The following DYNC2I1 variants were observed in gnomAD, a reference collection of about 807,000 sequenced individuals.
DYNC2I1 encodes dynein 2 intermediate chain 1, also known as cytoplasmic dynein 2 intermediate chain 1.
In DYNC2I1, 89 loss-of-function variants were observed where a neutral mutation model predicts 133.4. That is an observed-to-expected ratio of 0.67 (90% CI 0.56 to 0.80). The LOEUF (loss-of-function observed/expected upper bound fraction) is 0.80. Among genes scored for constraint, DYNC2I1 ranks in the 30% least tolerant of loss-of-function variants. The pLI, the probability that DYNC2I1 is intolerant of heterozygous loss-of-function variation, is 0.00. For missense variants in DYNC2I1, 1,291 were observed against 1,314.5 expected, an observed-to-expected ratio of 0.98 and a Z score of 0.28; for synonymous variants, 504 against 484.3, an observed-to-expected ratio of 1.04 and a Z score of -0.54.
At chr7:158,877,111 G>A (rs1446916530) in intron 4 of DYNC2I1, among the ~76,000 whole-genome samples, 2 of 152,222 alleles carry the variant, frequency 1.3e-5, no homozygotes, top group East Asian at 1.9e-4. Context: ...GTCTCTCCCC[G>A]TGTTTCAGTG....
intron 1 of DYNC2I1, among the ~76,000 whole-genome samples, chr7:158,867,720 G>C (rs1030011810): frequency 5.9e-5 from 9 of 152,240 alleles, no homozygotes; most frequent in African/African-American, 2.2e-4. Flanking sequence ...CCCTTCTGAC[G>C]TGTGGGCTGG....
chr7:158,865,505 C>A (rs1842327479), intron 1 of DYNC2I1, among the ~76,000 whole-genome samples: 1 of 152,190 alleles, frequency 6.6e-6, no homozygotes, highest in Non-Finnish European at 1.5e-5. Flanking sequence ...CTCCTGTTTG[C>A]TTGCCATGTG....
In DYNC2I1 at chr7:158,862,949, G is replaced by GGAGAC. The variant is rs201730111; in HGVS notation, c.15+6200_15+6201insAGACG. On this transcript the variant is annotated intron_variant, in intron 1 of 24. Coordinates refer to ENST00000407559, the MANE Select transcript of DYNC2I1 (RefSeq NM_018051.5). Reference sequence around the variant, plus strand: ...TGTTTGTTCCTCCCGGTGGGTTCATGGTCTCGCTGACTTCAGGAGTGAAGC... The same window carrying GGAGAC: ...TGTTTGTTCCTCCCGGTGGGTTCATGGAGACGTCTCGCTGACTTCAGGAGTGAAGC... Among the ~76,000 whole-genome samples, 1,127 of 152,100 alleles carry GGAGAC rather than the reference G, an allele frequency of 7.4e-3. 18 individuals carry two copies. Among genetic ancestry groups the GGAGAC allele is most frequent in the African/African-American group, 0.025 (1,056 of 41,488 alleles).
chr7:158,856,836 C>T (rs1841289122), intron 1 of DYNC2I1, 86 bp downstream of exon 1: 19 of 1,212,692 alleles, frequency 1.6e-5, no homozygotes, highest in Admixed American at 8.5e-5. Context: ...CGCCGCCCTC[C>T]CTTTGCGCAG....
chr7:158,910,386 C>T (rs1014738176), intron 11 of DYNC2I1, among the ~76,000 whole-genome samples: 4 of 142,108 alleles, frequency 2.8e-5, no homozygotes, highest in South Asian at 2.3e-4. Context: ...GATTGGAGGG[C>T]GATCAGCTGT....
chr7:158,925,905 G>T (rs1387494464), intron 17 of DYNC2I1, among the ~76,000 whole-genome samples: 1 of 152,190 alleles, frequency 6.6e-6, no homozygotes, highest in Non-Finnish European at 1.5e-5. Flanking sequence ...TGTGTGGCAT[G>T]CTCTGTTTGG....
chr7:158,873,796 G>T (rs1435272085), intron 3 of DYNC2I1, among the ~76,000 whole-genome samples: 1 of 152,048 alleles, frequency 6.6e-6, no homozygotes, highest in Non-Finnish European at 1.5e-5. Context: ...TCACTCTGTT[G>T]CCCAGGCTGG....
chr7:158,852,951 T>A (rs1286446088), upstream of DYNC2I1, among the ~76,000 whole-genome samples: 5 of 152,230 alleles, frequency 3.3e-5, no homozygotes, highest in Non-Finnish European at 7.3e-5. Context: ...CCCTTGGCTT[T>A]TTGTTTGTTG....
intron 1 of DYNC2I1, among the ~76,000 whole-genome samples, chr7:158,867,424 A>G (rs1012284409): frequency 3.9e-5 from 6 of 152,204 alleles, no homozygotes; most frequent in Middle Eastern, 3.2e-3. Flanking sequence ...GCGGCACAGA[A>G]GAAGGAGCTG....
chr7:158,931,446 A>T lies in DYNC2I1; in HGVS notation c.2546+931A>T, dbSNP rs1405897312. 3.3e-5 allele frequency among the ~76,000 whole-genome samples: 5 copies of T among 152,320 alleles called. No homozygotes were observed. In the East Asian group the frequency reaches 9.6e-4, roughly 29 times the overall value. On this transcript the variant is annotated intron_variant, in intron 21 of 24. Coordinates refer to ENST00000407559, the MANE Select transcript of DYNC2I1 (RefSeq NM_018051.5). ...TATGAAAGAGAATCAATTATATTTT[A>T]AAAAGTCATTTACTGTATTGCAGAG...
intron 16 of DYNC2I1, among the ~76,000 whole-genome samples, chr7:158,923,021 C>T (rs1849250921): frequency 6.6e-6 from 1 of 152,206 alleles, no homozygotes. Flanking sequence ...CACAGCCCTT[C>T]TGGAGGCCTC....
the DYNC2I1 span, among the ~76,000 whole-genome samples, chr7:158,848,046 A>G: frequency 6.6e-6 from 1 of 152,382 alleles, no homozygotes; most frequent in South Asian, 2.1e-4. Flanking sequence ...CAAATGCTAC[A>G]GAATGAAAGA....
chr7:158,856,734 C>T lies in DYNC2I1; in HGVS notation c.-2C>T. ...CGCGGCCGCCCGGGCCTGCGGGAAG[C>T]GATGGAGCCCGGGAAGGTCGGTGCG... On this transcript the variant is annotated 5_prime_UTR_variant, in exon 1 of 25. Transcript: ENST00000407559. The T allele has an allele frequency of 8.1e-7, 1 of 1,234,594 alleles. No individual in the cohort carries two copies. Among genetic ancestry groups the T allele is most frequent in the East Asian group, 3.2e-5 (1 of 31,634 alleles). 76.5% of individuals were successfully genotyped at this position (1,234,594 alleles called of 1,614,324 possible).
At chr7:158,911,851 A>G (rs1350696245) in intron 12 of DYNC2I1, among the ~76,000 whole-genome samples, 172 bp downstream of exon 12, 1 of 152,206 alleles carries the variant, frequency 6.6e-6, no homozygotes, top group Non-Finnish European at 1.5e-5. Context: ...TTCACCCGAG[A>G]GGCCGGGCAC....
In DYNC2I1 at chr7:158,909,792, C is replaced by T. The variant is rs755501394; in HGVS notation, c.1461-1758C>T. The stretch of plus-strand genomic sequence containing the variant: ...GAGTGAAACAGAAAGATCTGATGGC[C>T]TAGGGCATTTGACGTTCGCACAGGG... On this transcript the variant is annotated intron_variant, in intron 11 of 24. Transcript: ENST00000407559. 2.6e-5 allele frequency among the ~76,000 whole-genome samples: 4 copies of T among 152,254 alleles called. No individual in the cohort carries two copies. The South Asian group carries it at 6.2e-4, about 24-fold the overall frequency.
intron 11 of DYNC2I1, among the ~76,000 whole-genome samples, chr7:158,911,144 G>A (rs549344777): frequency 6.6e-6 from 1 of 152,210 alleles, no homozygotes; most frequent in Admixed American, 6.5e-5. Context: ...ACACTTACTG[G>A]CTGCGTGGTC....
chr7:158,908,494 T>A (rs1202897195), intron 11 of DYNC2I1, among the ~76,000 whole-genome samples: 1 of 152,236 alleles, frequency 6.6e-6, no homozygotes, highest in African/African-American at 2.4e-5. Flanking sequence ...GATAGAGACT[T>A]ATTATCCCTA....
At chr7:158,894,632 A>G (rs981712842) in intron 8 of DYNC2I1, among the ~76,000 whole-genome samples, 1 of 152,260 alleles carries the variant, frequency 6.6e-6, no homozygotes, top group Non-Finnish European at 1.5e-5. Context: ...TTTGGCAAGT[A>G]TGAATAAATG....
chr7:158,865,505 C>T (rs1842327479), intron 1 of DYNC2I1, among the ~76,000 whole-genome samples: 1 of 152,190 alleles, frequency 6.6e-6, no homozygotes, highest in Admixed American at 6.5e-5. Flanking sequence ...CTCCTGTTTG[C>T]TTGCCATGTG....
Sources: allele counts gnomAD v4.1 joint callset (sites outside exome capture counted in the v4.1 genomes callset), GRCh38; gene constraint gnomAD v4.1.1; transcripts MANE v1.5; gene names NCBI Gene and HGNC (gene_info 2026-07-23, HGNC 2026-07-21).